CEP290: variants seen among roughly 807,000 people sequenced by gnomAD.
CEP290 encodes centrosomal protein of 290 kDa.
In CEP290, 317 loss-of-function variants were observed where a neutral mutation model predicts 344.9. That is an observed-to-expected ratio of 0.92 (90% CI 0.84 to 1.01). The LOEUF (loss-of-function observed/expected upper bound fraction) is 1.01. Ranked by LOEUF, CEP290 falls within the 50% of genes least tolerant of loss-of-function variation. CEP290 has a pLI of 0.00. For missense variants in CEP290, 2,754 were observed against 2,761.4 expected, an observed-to-expected ratio of 1.00 and a Z score of 0.06; for synonymous variants, 932 against 895.8, an observed-to-expected ratio of 1.04 and a Z score of -0.72.
At chr12:88,073,376 T>G (rs2035524692) in intron 41 of CEP290, among the ~76,000 whole-genome samples, 1 of 152,178 alleles carries the variant, frequency 6.6e-6, no homozygotes, top group Non-Finnish European at 1.5e-5. Flanking sequence ...CTCACATTAA[T>G]GAAGGTGCAA....
At chr12:88,092,564 T>C (rs961993303) in intron 29 of CEP290, 117 bp downstream of exon 29, 14 of 787,012 alleles carry the variant, frequency 1.8e-5, no homozygotes, top group Middle Eastern at 2.9e-4. Flanking sequence ...CCTGTTCTTA[T>C]AAAAAGAAAT....
chr12:88,107,044 T>C lies in CEP290; in HGVS notation c.2538A>G (p.Lys846=). The C allele has an allele frequency of 1.3e-6, 2 of 1,554,374 alleles. No individual in the cohort carries two copies. The highest frequency in any genetic ancestry group is 4.0e-5 in the Admixed American group (2 of 49,588). ...ESKTIKEEKR[K]LEDQVQQDAI... ...CATCTTGTTGGACTTGATCCTCAAG[T>C]TTTCTCTTTTCCTCTTTTATTGTTT... Residue 846 remains lysine, a synonymous_variant, in exon 24 of 54, where the codon AAA becomes AAG. Transcript: ENST00000552810.
Position 88,109,125 on chromosome 12 carries a change from G to A in CEP290, c.2424C>T (p.Tyr808=), listed in dbSNP as rs911134690. 4.8e-6 allele frequency: 7 copies of A among 1,468,026 alleles called. No homozygotes were observed. The Admixed American group carries it at 9.7e-5, about 20-fold the overall frequency. 90.9% of individuals were successfully genotyped at this position (1,468,026 alleles called of 1,614,324 possible). ...LKNLEDSLED[Y]NRKFAVIRHQ... is the part of the protein sequence containing the mutation. Reference sequence around the variant, plus strand: ...GACGAATTACAGCAAATTTTCTGTTGTAATCTTCAAGAGAATCTTCTAAAT... The same window carrying A: ...GACGAATTACAGCAAATTTTCTGTTATAATCTTCAAGAGAATCTTCTAAAT... The change falls in exon 23 of 54, where the codon TAC becomes TAT. Residue 808 remains tyrosine, a synonymous_variant. Transcript: ENST00000552810.
At position 88,089,061 on chromosome 12, in the gene CEP290, T is replaced by C. The variant is rs754444501; in HGVS notation, c.4000A>G (p.Thr1334Ala). The C allele has an allele frequency of 6.6e-7, 1 of 1,520,734 alleles. No homozygotes were observed. The highest frequency in any genetic ancestry group is 8.8e-7 in the Non-Finnish European group (1 of 1,138,548). 94.2% of individuals were successfully genotyped at this position (1,520,734 alleles called of 1,614,324 possible). ...KLKGLEELIS[T>A]LKDTKGAQKV... ...TGGGCTCCTTTGGTATCCTTTAAAGTGCTTATTAACTCTTCCAGGCCCTTT... is the reference window on the plus strand; with the variant it reads ...TGGGCTCCTTTGGTATCCTTTAAAGCGCTTATTAACTCTTCCAGGCCCTTT... The change falls in exon 31 of 54, where the codon ACT becomes GCT. Residue 1334 changes from threonine (T) to alanine (A), a missense_variant. Thr to Ala is a moderately conservative substitution (Grantham distance 58, BLOSUM62 0). Coordinates refer to ENST00000552810, the MANE Select transcript of CEP290 (RefSeq NM_025114.4).
chr12:88,125,619 T>C (rs1237025296), intron 12 of CEP290, among the ~76,000 whole-genome samples: 2 of 152,014 alleles, frequency 1.3e-5, no homozygotes, highest in Non-Finnish European at 2.9e-5. Context: ...AACTCCCTAA[T>C]GTTTATGGCT....
At chr12:88,123,028 C>G (rs1228101153) in intron 13 of CEP290, among the ~76,000 whole-genome samples, 1 of 152,082 alleles carries the variant, frequency 6.6e-6, no homozygotes, top group Non-Finnish European at 1.5e-5. Flanking sequence ...AGGATGTCTA[C>G]CAAGCCACCT....
intron 23 of CEP290, among the ~76,000 whole-genome samples, chr12:88,107,665 C>T (rs778330068): frequency 1.2e-4 from 18 of 151,004 alleles, no homozygotes; most frequent in Non-Finnish European, 2.1e-4. Context: ...CTTTGGGAGG[C>T]CAAGGTGGGC....
chr12:88,118,579 T>C lies in CEP290; in HGVS notation c.1624-9A>G. 1.2e-6 allele frequency: 2 copies of C among 1,606,716 alleles called. No homozygotes were observed. Among genetic ancestry groups the C allele is most frequent in the Non-Finnish European group, 1.7e-6 (2 of 1,175,174 alleles). On this transcript the variant is annotated splice_polypyrimidine_tract_variant and intron_variant, in intron 16 of 53. Transcript: ENST00000552810. ...TCCTCTAGACTTTCAATCTGCAAAG[T>C]ATAAATTATTAGTATTTCTCTATAG...
chr12:88,093,523 G>A, intron 28 of CEP290: 1 of 385,494 alleles, frequency 2.6e-6, no homozygotes. Context: ...CAATTCCATT[G>A]TTTAGTAAAT....
chr12:88,076,397 T>C (rs2035774422), intron 41 of CEP290, among the ~76,000 whole-genome samples: 2 of 152,160 alleles, frequency 1.3e-5, no homozygotes, highest in African/African-American at 4.8e-5. Context: ...GTGATTGAAA[T>C]TATTTTATAG....
At chr12:88,140,593 A>C (rs922695871) in intron 3 of CEP290, among the ~76,000 whole-genome samples, 2 of 152,112 alleles carry the variant, frequency 1.3e-5, no homozygotes, top group Admixed American at 6.6e-5. Context: ...CACTTATCTA[A>C]CACTACTCCT....
At chr12:88,070,886 G>C (rs1281712194) in intron 43 of CEP290, among the ~76,000 whole-genome samples, 1 of 152,030 alleles carries the variant, frequency 6.6e-6, no homozygotes, top group African/African-American at 2.4e-5. Flanking sequence ...AAGTTTCTAA[G>C]AACTGAACTA....
chr12:88,139,540 C>A lies in CEP290; in HGVS notation c.205G>T (p.Ala69Ser), dbSNP rs2040522634. 1 of 1,592,764 alleles carries A rather than the reference C, an allele frequency of 6.3e-7. No individual in the cohort carries two copies. The highest frequency in any genetic ancestry group is 1.2e-5 in the South Asian group (1 of 86,462). The change falls in exon 4 of 54, where the codon GCT (alanine) becomes TCT (serine). Residue 69 changes from alanine to serine, a missense_variant. Coordinates refer to ENST00000552810, the MANE Select transcript of CEP290 (RefSeq NM_025114.4). Reference protein sequence around the residue: ...MKMKAQEVELALEEVEKAGEE... With the variant: ...MKMKAQEVELSLEEVEKAGEE... ...CCAGCTTTTTCTACTTCTTCCAAAG[C>A]CAGCTCCACTTCTTGAGCTTTCATC...
chr12:88,097,594 T>TATACAC, intron 26 of CEP290, among the ~76,000 whole-genome samples: 1 of 118,790 alleles, frequency 8.4e-6, no homozygotes, highest in East Asian at 2.6e-4. Context: ...CATATATATA[T>TATACAC]ACACACACAC....
chr12:88,116,712 C>T (rs1240342517), intron 18 of CEP290, among the ~76,000 whole-genome samples: 3 of 152,146 alleles, frequency 2.0e-5, no homozygotes, highest in Non-Finnish European at 2.9e-5. Context: ...CGGTGGCTCA[C>T]GCCTGTAATC....
In CEP290 at chr12:88,058,856, C is replaced by T. The variant is rs773377240; in HGVS notation, c.6810G>A (p.Val2270=). The T allele has an allele frequency of 6.2e-7, 1 of 1,613,492 alleles. No individual in the cohort carries two copies. Among genetic ancestry groups the T allele is most frequent in the South Asian group, 1.1e-5 (1 of 90,932 alleles). Reference sequence around the variant, plus strand: ...TAAAACTCTGTTCCTACCTTGTAACCACAATGGATTTCCAGCTCTTACTGT... The same window carrying T: ...TAAAACTCTGTTCCTACCTTGTAACTACAATGGATTTCCAGCTCTTACTGT... ...GADSKSWKSI[V]VTRMYETKLK... is the part of the protein sequence containing the mutation. The change falls in exon 49 of 54, where the codon GTG becomes GTA. Residue 2270 remains valine, a synonymous_variant. Coordinates refer to ENST00000552810, the MANE Select transcript of CEP290 (RefSeq NM_025114.4).
chr12:88,111,981 T>TA (rs1174784408), intron 20 of CEP290, 123 bp from the exon 21 acceptor site: 3 of 608,262 alleles, frequency 4.9e-6, no homozygotes, highest in Non-Finnish European at 7.8e-6. Flanking sequence ...CCAAGCATGA[T>TA]AATAAAGTAT....
chr12:88,101,525 A>G (rs1433452009), intron 26 of CEP290, among the ~76,000 whole-genome samples: 2 of 149,662 alleles, frequency 1.3e-5, no homozygotes, highest in African/African-American at 4.9e-5. Flanking sequence ...GTGGTGGTGC[A>G]CACCTGTAAT....
intron 41 of CEP290, among the ~76,000 whole-genome samples, chr12:88,076,142 T>C (rs1167102741): frequency 2.0e-5 from 3 of 152,156 alleles, no homozygotes; most frequent in Middle Eastern, 3.4e-3. Flanking sequence ...CTATCCCCAA[T>C]TAGGGAGTTA....
Sources: allele counts gnomAD v4.1 joint callset (sites outside exome capture counted in the v4.1 genomes callset), GRCh38; gene constraint gnomAD v4.1.1; transcripts MANE v1.5; gene names NCBI Gene and HGNC (gene_info 2026-07-23, HGNC 2026-07-21).